Variants in EYS observed in about 807,000 individuals in gnomAD.
EYS encodes protein eyes shut homolog.
A neutral mutation model predicts 282.1 loss-of-function variants in EYS; 250 were observed. The ratio of observed to expected loss-of-function variants is 0.89; its 90% CI spans 0.80 to 0.98. EYS has a LOEUF of 0.98. Ranked by LOEUF, EYS falls within the 50% of genes least tolerant of loss-of-function variation. The pLI, the probability that EYS is intolerant of heterozygous loss-of-function variation, is 0.00. For missense variants in EYS, 4,016 were observed against 3,709.0 expected, an observed-to-expected ratio of 1.08 and a Z score of -2.15; for synonymous variants, 1,355 against 1,282.9, an observed-to-expected ratio of 1.06 and a Z score of -1.20.
chr6:65,405,153 A>T, intron 6 of EYS, 21 bp downstream of exon 6: 3 of 1,582,250 alleles, frequency 1.9e-6, no homozygotes, highest in South Asian at 1.1e-5. Flanking sequence ...CCACTCACTT[A>T]TATGTTAGAT....
chr6:65,245,390 T>C, intron 12 of EYS, among the ~76,000 whole-genome samples: 1 of 152,206 alleles, frequency 6.6e-6, no homozygotes, highest in Non-Finnish European at 1.5e-5. Flanking sequence ...AGCACTAAGA[T>C]GGATAATTGC....
chr6:64,744,348 G>A (rs1772480849), intron 22 of EYS, among the ~76,000 whole-genome samples: 1 of 152,096 alleles, frequency 6.6e-6, no homozygotes, highest in African/African-American at 2.4e-5. Flanking sequence ...AACAGATGCT[G>A]CTTGTTTTGT....
At chr6:64,791,653 A>G (rs571246171) in intron 22 of EYS, among the ~76,000 whole-genome samples, 1 of 151,992 alleles carries the variant, frequency 6.6e-6, no homozygotes, top group South Asian at 2.1e-4. Flanking sequence ...AACTACAACC[A>G]TTTTTGTATT....
intron 33 of EYS, among the ~76,000 whole-genome samples, chr6:64,007,145 A>G (rs547048924): frequency 6.6e-6 from 1 of 152,206 alleles, no homozygotes; most frequent in East Asian, 1.9e-4. Context: ...TCTGGTTGTT[A>G]GGCTTTCTAT....
At chr6:64,146,064 G>A (rs1037657429) in intron 31 of EYS, among the ~76,000 whole-genome samples, 3 of 151,746 alleles carry the variant, frequency 2.0e-5, no homozygotes, top group East Asian at 1.9e-4. Flanking sequence ...AGTTTTCCTC[G>A]TGTTGTATAA....
At chr6:64,243,806 T>C (rs1395644705) in intron 30 of EYS, among the ~76,000 whole-genome samples, 2 of 152,230 alleles carry the variant, frequency 1.3e-5, no homozygotes, top group Non-Finnish European at 1.5e-5. Context: ...ATACATGATG[T>C]AACTCAGGAA....
In EYS at chr6:64,637,605, T is replaced by TA. The variant is rs1434039079; in HGVS notation, c.3444-11361dup. 8.0e-5 allele frequency among the ~76,000 whole-genome samples: 7 copies of TA among 87,716 alleles called. 3 individuals carry two copies. In the South Asian group the frequency reaches 2.9e-3, roughly 36 times the overall value. The allele number at this position is 87,716 out of a possible 152,430, so 57.5% of individuals were successfully genotyped here. A position where few individuals can be genotyped will look rare whatever the true frequency, so the allele number is the denominator to read the frequency against. On this transcript the variant is annotated intron_variant, in intron 22 of 42. Transcript: ENST00000503581. ...ACTTAAAGTATAATAATAACAAAATTAAAAAAAAGAGATAACAAGCAAATG... is the reference window on the plus strand; with the variant it reads ...ACTTAAAGTATAATAATAACAAAATTAAAAAAAAAGAGATAACAAGCAAATG...
At chr6:65,440,935 GTGTC>G (rs1428425766) in intron 5 of EYS, among the ~76,000 whole-genome samples, 4 of 146,524 alleles carry the variant, frequency 2.7e-5, no homozygotes, top group Non-Finnish European at 4.5e-5. Flanking sequence ...ATAAAAAACA[GTGTC>G]TGTATATGTA....
At chr6:64,952,969 G>T (rs1769564266) in intron 14 of EYS, among the ~76,000 whole-genome samples, 1 of 151,628 alleles carries the variant, frequency 6.6e-6, no homozygotes. Context: ...GATATTCATT[G>T]GTACTAATAT....
chr6:64,475,019 G>GT (rs1776218800), intron 26 of EYS, among the ~76,000 whole-genome samples: 1 of 152,142 alleles, frequency 6.6e-6, no homozygotes, highest in South Asian at 2.1e-4. Context: ...GGAAATATAG[G>GT]TGAGAAAACA....
At chr6:64,855,651 ATT>A (rs1766036905) in intron 19 of EYS, among the ~76,000 whole-genome samples, 2 of 152,138 alleles carry the variant, frequency 1.3e-5, no homozygotes, top group African/African-American at 2.4e-5. Flanking sequence ...CATAGATTAT[ATT>A]AGGGTTCTCT....
chr6:64,696,067 T>C (rs1231224640), intron 22 of EYS, among the ~76,000 whole-genome samples: 1 of 151,994 alleles, frequency 6.6e-6, no homozygotes, highest in East Asian at 1.9e-4. Flanking sequence ...TAAAAGATAT[T>C]CAAAAAGATA....
At chr6:65,659,869 G>A (rs1767946214) in intron 1 of EYS, among the ~76,000 whole-genome samples, 1 of 151,474 alleles carries the variant, frequency 6.6e-6, no homozygotes, top group Non-Finnish European at 1.5e-5. Flanking sequence ...ATTCACACAA[G>A]GTTATGGCTA....
intron 13 of EYS, among the ~76,000 whole-genome samples, chr6:65,053,675 G>T (rs1437545687): frequency 6.6e-6 from 1 of 151,818 alleles, no homozygotes; most frequent in Non-Finnish European, 1.5e-5. Flanking sequence ...TTTAGGATTT[G>T]CAAGCAAAGA....
At chr6:65,325,163 C>T (rs1228610164) in intron 11 of EYS, among the ~76,000 whole-genome samples, 4 of 152,088 alleles carry the variant, frequency 2.6e-5, no homozygotes, top group African/African-American at 7.2e-5. Flanking sequence ...TTCTCCTCCT[C>T]CTCCTTACTC....
chr6:65,313,606 C>A (rs186095518), intron 11 of EYS, among the ~76,000 whole-genome samples: 14 of 151,102 alleles, frequency 9.3e-5, no homozygotes, highest in African/African-American at 3.4e-4. Context: ...GTTAGCTGTT[C>A]AAACTACCTA....
At chr6:64,645,654 C>T (rs1366660573) in intron 22 of EYS, among the ~76,000 whole-genome samples, 1 of 152,014 alleles carries the variant, frequency 6.6e-6, no homozygotes, top group Non-Finnish European at 1.5e-5. Context: ...ACATTAGAAC[C>T]AAAATCGTAG....
chr6:64,673,950 T>C (rs1769558654), intron 22 of EYS, among the ~76,000 whole-genome samples: 1 of 152,126 alleles, frequency 6.6e-6, no homozygotes, highest in African/African-American at 2.4e-5. Flanking sequence ...TTCTAAACCA[T>C]GCTACAATTT....
At chr6:65,399,311 T>C (rs1766406548) in intron 7 of EYS, among the ~76,000 whole-genome samples, 1 of 152,038 alleles carries the variant, frequency 6.6e-6, no homozygotes, top group Non-Finnish European at 1.5e-5. Flanking sequence ...AAATATTCTT[T>C]AAATTAAACA....
Sources: gnomAD v4.1 joint callset for allele counts (sites outside exome capture counted in the v4.1 genomes callset) on GRCh38, gnomAD v4.1.1 for gene constraint, MANE v1.5 for transcripts, NCBI Gene and HGNC (gene_info 2026-07-23, HGNC 2026-07-21) for gene names.